The following KANK4 variants were observed in gnomAD, a reference collection of about 807,000 sequenced individuals.
The protein encoded by KANK4 is KN motif and ankyrin repeat domains 4, also known as KN motif and ankyrin repeat domain-containing protein 4.
Under a neutral mutation model 80.8 loss-of-function variants are expected in KANK4, and 50 were observed. That is an observed-to-expected ratio of 0.62 (90% CI 0.49 to 0.78). The LOEUF is 0.78. Ranked by LOEUF, KANK4 falls within the 30% of genes least tolerant of loss-of-function variation. The pLI is 0.00. For synonymous variants in KANK4, 465 were observed against 506.9 expected, an observed-to-expected ratio of 0.92 and a Z score of 1.11; for missense variants, 1,196 against 1,240.1, an observed-to-expected ratio of 0.96 and a Z score of 0.53.
chr1:62,307,597 A>G (rs10493321), intron 1 of KANK4, among the ~76,000 whole-genome samples: 29,738 of 152,016 alleles, frequency 0.2, 3,041 homozygotes, highest in Admixed American at 0.23. Flanking sequence ...ACACATTAAC[A>G]TTCTGAGAAC....
chr1:62,241,783 C>A (rs1349578526), intron 9 of KANK4, among the ~76,000 whole-genome samples: 8 of 152,182 alleles, frequency 5.3e-5, no homozygotes, highest in Admixed American at 5.2e-4. Context: ...AATTCCTGCT[C>A]CTGAACTTCA....
chr1:62,291,669 G>A (rs939158720), intron 1 of KANK4, among the ~76,000 whole-genome samples: 5 of 152,034 alleles, frequency 3.3e-5, no homozygotes, highest in African/African-American at 4.8e-5. Context: ...GTGCAATGAC[G>A]TGATCTCAGC....
chr1:62,274,379 G>T lies in KANK4; in HGVS notation c.725C>A (p.Pro242Gln). ...AEPPEGVVKV[P>Q]NHLPLPGPPF... ...AGGGCCTGGGAGAGGGAGGTGATTT[G>T]GAACCTTCACCACACCCTCTGGAGG... The change falls in exon 3 of 10, where the codon CCA (proline) becomes CAA (glutamine). Residue 242 changes from proline (P) to glutamine (Q), a missense_variant. This residue lies in a region of KANK4 where 1,154 missense variants were observed against 1,179.6 expected (regional missense o/e 0.98). Coordinates refer to ENST00000371153, the MANE Select transcript of KANK4 (RefSeq NM_181712.5). The T allele has an allele frequency of 6.2e-7, 1 of 1,614,134 alleles. No homozygotes were observed. Among genetic ancestry groups the T allele is most frequent in the South Asian group, 1.1e-5 (1 of 91,072 alleles).
intron 1 of KANK4, among the ~76,000 whole-genome samples, chr1:62,308,972 G>C (rs2149171962): frequency 6.6e-6 from 1 of 152,232 alleles, no homozygotes; most frequent in African/African-American, 2.4e-5. Flanking sequence ...CCTCCCTTGG[G>C]GCTCCCAGGG....
chr1:62,260,954 C>T (rs1243953511), intron 7 of KANK4, among the ~76,000 whole-genome samples: 1 of 152,174 alleles, frequency 6.6e-6, no homozygotes, highest in Non-Finnish European at 1.5e-5. Context: ...CATTTTGCAT[C>T]TGGAATTCTC....
intron 9 of KANK4, among the ~76,000 whole-genome samples, chr1:62,243,180 T>C (rs1023594164): frequency 6.6e-6 from 1 of 152,124 alleles, no homozygotes; most frequent in African/African-American, 2.4e-5. Context: ...CTTCCAGGCT[T>C]ACAGCCTACC....
At chr1:62,249,163 C>CAAAAAAA (rs10695105) in intron 8 of KANK4, among the ~76,000 whole-genome samples, 2,515 of 136,258 alleles carry the variant, frequency 0.018, 83 homozygotes, top group African/African-American at 0.064. Context: ...AAATCTGTCT[C>CAAAAAAA]AAAAAAAAAA....
chr1:62,241,012 T>C (rs1230577859), intron 9 of KANK4, among the ~76,000 whole-genome samples: 1 of 152,198 alleles, frequency 6.6e-6, no homozygotes, highest in African/African-American at 2.4e-5. Flanking sequence ...TTTTGACATT[T>C]TGCTGCTGTA....
intron 1 of KANK4, among the ~76,000 whole-genome samples, chr1:62,316,385 A>G (rs182467369): frequency 2.1e-4 from 32 of 152,370 alleles, no homozygotes; most frequent in Non-Finnish European, 3.8e-4. Context: ...TCCATCTTCC[A>G]GCCATGAGCA....
At position 62,267,628 on chromosome 1, in the gene KANK4, C is replaced by T. The variant is rs55891425; in HGVS notation, c.2231+659G>A. On this transcript the variant is annotated intron_variant, in intron 5 of 9. Coordinates refer to ENST00000371153, the MANE Select transcript of KANK4 (RefSeq NM_181712.5). ...CAGCCTGGCCAACATAGTGAAACCT[C>T]GTCTCTACTAAAAAATACAAAAAAA... is the stretch of plus-strand genomic sequence containing the variant. Among the ~76,000 whole-genome samples the T allele has an allele frequency of 2.8e-3, 430 of 152,132 alleles. 3 individuals carry two copies. Among genetic ancestry groups the T allele is most frequent in the African/African-American group, 0.01 (416 of 41,512 alleles).
chr1:62,300,144 A>G (rs1644399932), intron 1 of KANK4, among the ~76,000 whole-genome samples: 1 of 152,128 alleles, frequency 6.6e-6, no homozygotes, highest in Admixed American at 6.5e-5. Context: ...CAGTGGCTCC[A>G]GTCTCTCCAC....
chr1:62,286,003 C>T (rs1672556160), intron 1 of KANK4, among the ~76,000 whole-genome samples: 1 of 152,234 alleles, frequency 6.6e-6, no homozygotes, highest in Non-Finnish European at 1.5e-5. Flanking sequence ...ACTGAGTTCT[C>T]CAGCGGGCTC....
At chr1:62,313,037 G>A (rs945355261) in intron 1 of KANK4, among the ~76,000 whole-genome samples, 1 of 152,166 alleles carries the variant, frequency 6.6e-6, no homozygotes, top group Non-Finnish European at 1.5e-5. Context: ...TATGGTTAAT[G>A]AAGGTCCAAA....
At chr1:62,310,209 C>T (rs995408599) in intron 1 of KANK4, among the ~76,000 whole-genome samples, 1 of 152,228 alleles carries the variant, frequency 6.6e-6, no homozygotes, top group Non-Finnish European at 1.5e-5. Context: ...ATTCAATCCC[C>T]TTGCCACCCA....
intron 1 of KANK4, among the ~76,000 whole-genome samples, chr1:62,290,553 A>G (rs1192197874): frequency 6.6e-6 from 1 of 152,138 alleles, no homozygotes; most frequent in African/African-American, 2.4e-5. Context: ...TATAATAAAC[A>G]CTCAATACAT....
Position 62,263,304 on chromosome 1 carries a change from C to T in KANK4, c.2327G>A (p.Ser776Asn), listed in dbSNP as rs1671938950. The change falls in exon 7 of 10, where the codon AGC becomes AAC. Residue 776 changes from serine (S) to asparagine (N), a missense_variant. Ser to Asn is a conservative substitution (Grantham distance 46, BLOSUM62 1). Transcript: ENST00000371153. ...GTTTDQLLRQ[S>N]LNTISQEWFR... Reference sequence around the variant, plus strand: ...CCACTCTTGACTGATGGTGTTCAAGCTTTGCCTCTGAAACCCCAAAAAAGA... The same window carrying T: ...CCACTCTTGACTGATGGTGTTCAAGTTTTGCCTCTGAAACCCCAAAAAAGA... The T allele has an allele frequency of 1.9e-6, 3 of 1,612,958 alleles. No individual in the cohort carries two copies. The highest frequency in any genetic ancestry group is 1.1e-5 in the South Asian group (1 of 90,846).
intron 1 of KANK4, among the ~76,000 whole-genome samples, chr1:62,308,332 G>A (rs570028031): frequency 6.2e-4 from 94 of 152,254 alleles, no homozygotes; most frequent in African/African-American, 2.1e-3. Flanking sequence ...TGCCCAGGGC[G>A]GCTGCCTGGC....
chr1:62,276,104 T>C (rs1258506957), intron 2 of KANK4, among the ~76,000 whole-genome samples: 1 of 152,072 alleles, frequency 6.6e-6, no homozygotes, highest in African/African-American at 2.4e-5. Flanking sequence ...GATGAGGAAG[T>C]TCTCCATTAC....
intron 9 of KANK4, among the ~76,000 whole-genome samples, chr1:62,245,891 G>A (rs754725132): frequency 2.6e-5 from 4 of 152,074 alleles, no homozygotes; most frequent in African/African-American, 9.7e-5. Flanking sequence ...GATATGTGGC[G>A]GGCACTCTAC....
Sources: gnomAD v4.1 joint callset for allele counts (sites outside exome capture counted in the v4.1 genomes callset) on GRCh38, gnomAD v4.1.1 for gene constraint, gnomAD v4.1.1 regional missense constraint, MANE v1.5 for transcripts, NCBI Gene and HGNC (gene_info 2026-07-23, HGNC 2026-07-21) for gene names.